SOS2: variants seen among roughly 807,000 people sequenced by gnomAD.
The protein encoded by SOS2 is son of sevenless homolog 2.
A neutral mutation model predicts 148.2 loss-of-function variants in SOS2; 65 were observed. That is an observed-to-expected ratio of 0.44 (90% CI 0.36 to 0.54). The LOEUF (loss-of-function observed/expected upper bound fraction) is 0.54, where lower values mean the gene tolerates loss of function less well. Among genes scored for constraint, SOS2 ranks in the 20% least tolerant of loss-of-function variants. SOS2 has a pLI of 0.00. For missense variants in SOS2, 1,341 were observed against 1,590.2 expected (o/e 0.84, Z 2.67); for synonymous variants, 539 against 537.1 (o/e 1.00, Z -0.05).
chr14:50,151,941 C>T (rs1884675157), intron 13 of SOS2, among the ~76,000 whole-genome samples: 1 of 152,022 alleles, frequency 6.6e-6, no homozygotes. Flanking sequence ...CCAGACTGGT[C>T]TCAAACTTCT....
chr14:50,158,509 A>T, intron 11 of SOS2, 56 bp downstream of exon 11: 1 of 1,074,268 alleles, frequency 9.3e-7, no homozygotes, highest in Non-Finnish European at 1.4e-6. Context: ...CACTTTACAA[A>T]ATACAGTTAA....
At chr14:50,133,101 G>T (rs935667784) in intron 19 of SOS2, among the ~76,000 whole-genome samples, 2 of 151,990 alleles carry the variant, frequency 1.3e-5, no homozygotes, top group Non-Finnish European at 2.9e-5. Flanking sequence ...AAAATGGTTG[G>T]TATTAGCGCT....
intron 16 of SOS2, among the ~76,000 whole-genome samples, chr14:50,143,948 C>A (rs1369192339): frequency 6.6e-6 from 1 of 151,788 alleles, no homozygotes; most frequent in Non-Finnish European, 1.5e-5. Flanking sequence ...TGAGAGCCCC[C>A]ACACCTGGCC....
At position 50,130,540 on chromosome 14, in the gene SOS2, G is replaced by C; in HGVS notation, c.3298C>G (p.Leu1100Val). ...STPPVSASSD[L>V]SVFLDVDLNS... is the part of the protein sequence containing the mutation. ...AGATCCACATCTAAAAATACACTAAGGTCTGAAGAAGCAGATACTGGTGGA... is the reference window on the plus strand; with the variant it reads ...AGATCCACATCTAAAAATACACTAACGTCTGAAGAAGCAGATACTGGTGGA... The change falls in exon 20 of 23, where the codon CTT becomes GTT. Residue 1100 changes from leucine (L) to valine (V), a missense_variant. Leu to Val is a conservative substitution (Grantham distance 32). Around this residue, in one of 4 missense-constraint regions of SOS2, gnomAD observed 354 missense variants for 347.7 expected, o/e 1.02. Transcript: ENST00000216373. 1 of 1,613,894 alleles carries C rather than the reference G, an allele frequency of 6.2e-7. No homozygotes were observed. The highest frequency in any genetic ancestry group is 8.5e-7 in the Non-Finnish European group (1 of 1,179,848).
chr14:50,197,048 G>A (rs1886332847), intron 4 of SOS2, among the ~76,000 whole-genome samples: 1 of 151,832 alleles, frequency 6.6e-6, no homozygotes, highest in African/African-American at 2.4e-5. Flanking sequence ...TTTATTTGTA[G>A]AGACATGTTG....
chr14:50,157,554 T>A (rs951643749), intron 11 of SOS2, among the ~76,000 whole-genome samples: 1 of 152,146 alleles, frequency 6.6e-6, no homozygotes, highest in African/African-American at 2.4e-5. Context: ...CCTAAGTGGA[T>A]AAGATAAAGA....
intron 5 of SOS2, among the ~76,000 whole-genome samples, chr14:50,185,301 T>C (rs144886132): frequency 1.2e-4 from 18 of 152,274 alleles, no homozygotes; most frequent in South Asian, 2.1e-4. Context: ...AGCTAAATTA[T>C]AGGACACCTA....
At chr14:50,123,749 G>A (rs770146359) in intron 21 of SOS2, among the ~76,000 whole-genome samples, 8 of 152,174 alleles carry the variant, frequency 5.3e-5, no homozygotes, top group Non-Finnish European at 1.0e-4. Flanking sequence ...CATTCTGGCT[G>A]CTCTACTAAA....
At chr14:50,123,435 G>A (rs1282279238) in intron 21 of SOS2, among the ~76,000 whole-genome samples, 1 of 140,294 alleles carries the variant, frequency 7.1e-6, no homozygotes, top group Non-Finnish European at 1.5e-5. Context: ...AGGCTGGAGA[G>A]CAGTGGTGTG....
chr14:50,172,622 G>A (rs1189010158), intron 8 of SOS2, among the ~76,000 whole-genome samples: 4 of 151,524 alleles, frequency 2.6e-5, no homozygotes, highest in Non-Finnish European at 4.4e-5. Flanking sequence ...CTCCCCCTTG[G>A]ACTCCTAAAG....
At chr14:50,158,772 C>T (rs1884897888) in intron 10 of SOS2, 126 bp from the exon 11 acceptor site, 2 of 632,554 alleles carry the variant, frequency 3.2e-6, no homozygotes, top group Middle Eastern at 2.8e-4. Flanking sequence ...TGTGGCTTTT[C>T]CTAACAATCA....
intron 5 of SOS2, among the ~76,000 whole-genome samples, chr14:50,184,871 A>C (rs1256664023): frequency 6.9e-6 from 1 of 145,704 alleles, no homozygotes; most frequent in Non-Finnish European, 1.5e-5. Context: ...CTCCAAAAAA[A>C]AAAAAAAAAA....
intron 8 of SOS2, among the ~76,000 whole-genome samples, chr14:50,172,009 T>C (rs1035087097): frequency 2.0e-5 from 3 of 152,188 alleles, no homozygotes; most frequent in African/African-American, 7.2e-5. Flanking sequence ...AGTCAGACAG[T>C]ATACATATTT....
At chr14:50,189,625 G>T (rs1886056373) in intron 4 of SOS2, among the ~76,000 whole-genome samples, 1 of 152,048 alleles carries the variant, frequency 6.6e-6, no homozygotes, top group Non-Finnish European at 1.5e-5. Context: ...TGCTACTATG[G>T]TAGAGGCACA....
At chr14:50,140,204 C>G in intron 16 of SOS2, 145 bp from the exon 17 acceptor site, 1 of 521,330 alleles carries the variant, frequency 1.9e-6, no homozygotes. Context: ...CCTTTGTACA[C>G]TTACCTGAAG....
chr14:50,193,230 T>G (rs1886207514), intron 4 of SOS2, among the ~76,000 whole-genome samples: 1 of 152,078 alleles, frequency 6.6e-6, no homozygotes, highest in South Asian at 2.1e-4. Context: ...TTTGTAGAGA[T>G]GATGTCTTGC....
chr14:50,227,149 ACAAG>A (rs1314331661), intron 1 of SOS2, among the ~76,000 whole-genome samples: 1 of 152,154 alleles, frequency 6.6e-6, no homozygotes, highest in African/African-American at 2.4e-5. Flanking sequence ...AAGTTTAAGA[ACAAG>A]CAAAAAGCTA....
At chr14:50,193,924 T>C (rs894597427) in intron 4 of SOS2, among the ~76,000 whole-genome samples, 1 of 152,112 alleles carries the variant, frequency 6.6e-6, no homozygotes, top group Non-Finnish European at 1.5e-5. Context: ...TTTTGTATTT[T>C]AGTAGAGATG....
At chr14:50,220,157 T>C (rs1887156284) in intron 1 of SOS2, among the ~76,000 whole-genome samples, 4 of 149,822 alleles carry the variant, frequency 2.7e-5, no homozygotes. Flanking sequence ...TCCCAGCACT[T>C]TGGGAGGCCG....
Sources: allele counts gnomAD v4.1 joint callset (sites outside exome capture counted in the v4.1 genomes callset), GRCh38; gene constraint gnomAD v4.1.1; regional missense constraint gnomAD v4.1.1; transcripts MANE v1.5; gene names NCBI Gene and HGNC (gene_info 2026-07-23, HGNC 2026-07-21).